The following LY6S variants were observed in gnomAD, a reference collection of about 807,000 sequenced individuals.
LY6S encodes the protein lymphocyte antigen 6S.
the LY6S span, among the ~76,000 whole-genome samples, chr8:143,065,670 C>G: frequency 6.6e-6 from 1 of 152,008 alleles, no homozygotes; most frequent in Non-Finnish European, 1.5e-5. Context: ...GTACTGGAGC[C>G]GGAAGACTTA....
chr8:143,054,175 G>A, the LY6S span: 1 of 151,962 alleles, frequency 6.6e-6, no homozygotes, highest in Non-Finnish European at 1.5e-5. Context: ...GCGTGGTGGT[G>A]GGTGCCTGTA....
At chr8:143,065,522 C>T in the LY6S span, among the ~76,000 whole-genome samples, 1 of 152,122 alleles carries the variant, frequency 6.6e-6, no homozygotes. Context: ...TTCTCAGACC[C>T]TCAAACAAAC....
At chr8:143,068,935 C>T in the LY6S span, among the ~76,000 whole-genome samples, 1 of 152,150 alleles carries the variant, frequency 6.6e-6, no homozygotes, top group Non-Finnish European at 1.5e-5. Context: ...ATGCTCCCCG[C>T]ACCGCCCCAG....
the LY6S span, among the ~76,000 whole-genome samples, chr8:143,044,005 G>A: frequency 6.6e-6 from 1 of 152,212 alleles, no homozygotes; most frequent in Non-Finnish European, 1.5e-5. Flanking sequence ...TCACCTCACT[G>A]AAGGGTGTGG....
At chr8:143,046,811 T>C in the LY6S span, among the ~76,000 whole-genome samples, 101,411 of 151,034 alleles carry the variant, frequency 0.67, 34,166 homozygotes, top group East Asian at 0.74. Context: ...ATCGGCCTGG[T>C]CAACATGACG....
the LY6S span, among the ~76,000 whole-genome samples, chr8:143,058,905 C>A: frequency 6.6e-6 from 1 of 152,246 alleles, no homozygotes; most frequent in African/African-American, 2.4e-5. Context: ...ACTATGTCCC[C>A]TCAGCTCCTA....
the LY6S span, among the ~76,000 whole-genome samples, chr8:143,060,180 G>A: frequency 0.52 from 78,332 of 151,916 alleles, 22,837 homozygotes; most frequent in Non-Finnish European, 0.64. Flanking sequence ...TTGGTCTAGC[G>A]GTAGTGCCAG....
At chr8:143,070,452 A>G in the LY6S span, among the ~76,000 whole-genome samples, 706 of 51,326 alleles carry the variant, frequency 0.014, 36 homozygotes, top group Non-Finnish European at 0.021. Context: ...TATTGTATAT[A>G]TATATATATA....
the LY6S span, among the ~76,000 whole-genome samples, chr8:143,052,086 C>T: frequency 3.1e-3 from 470 of 151,976 alleles, 5 homozygotes; most frequent in Admixed American, 5.2e-3. Flanking sequence ...TGGAGACCAT[C>T]CTGGCTAACA....
chr8:143,041,568 C>T, the LY6S span, among the ~76,000 whole-genome samples: 1 of 152,176 alleles, frequency 6.6e-6, no homozygotes, highest in East Asian at 1.9e-4. Context: ...ACATCCTCCT[C>T]AGCTTACGAA....
the LY6S span, among the ~76,000 whole-genome samples, chr8:143,055,343 G>C: frequency 6.6e-6 from 1 of 152,212 alleles, no homozygotes; most frequent in Non-Finnish European, 1.5e-5. Context: ...AATAGCCACA[G>C]TAATGACATT....
At chr8:143,041,362 T>C in the LY6S span, among the ~76,000 whole-genome samples, 4 of 152,258 alleles carry the variant, frequency 2.6e-5, no homozygotes, top group Admixed American at 2.6e-4. Context: ...TATTTGCTTT[T>C]GAAAGAAGAG....
the LY6S span, among the ~76,000 whole-genome samples, chr8:143,054,570 G>T: frequency 5.3e-5 from 8 of 152,256 alleles, no homozygotes; most frequent in African/African-American, 1.4e-4. Flanking sequence ...ACGGAGTTGT[G>T]GGGGGTTGTG....
the LY6S span, chr8:143,044,782 T>C: frequency 1.5e-6 from 2 of 1,367,182 alleles, no homozygotes; most frequent in African/African-American, 3.0e-5. Flanking sequence ...CAAGCATCTG[T>C]AGCAGCGCAG....
the LY6S span, chr8:143,044,210 C>G: frequency 2.2e-6 from 1 of 456,150 alleles, no homozygotes; most frequent in Admixed American, 2.4e-5. Context: ...ATGCTCACAG[C>G]CTGCGCCTCT....
At chr8:143,070,057 A>T in the LY6S span, among the ~76,000 whole-genome samples, 1 of 151,984 alleles carries the variant, frequency 6.6e-6, no homozygotes, top group Non-Finnish European at 1.5e-5. Context: ...GAGATCAGAG[A>T]TCAAGGTGTC....
the LY6S span, among the ~76,000 whole-genome samples, chr8:143,069,433 T>C: frequency 1.9e-4 from 29 of 152,344 alleles, 1 homozygote; most frequent in Admixed American, 1.3e-3. Context: ...TAGTATCTAA[T>C]TATGTGCCTT....
At chr8:143,048,821 T>C in the LY6S span, among the ~76,000 whole-genome samples, 2 of 152,186 alleles carry the variant, frequency 1.3e-5, no homozygotes, top group Non-Finnish European at 2.9e-5. Flanking sequence ...CCAGACCTTA[T>C]GCATTTTCCA....
At chr8:143,042,936 G>C in the LY6S span, 1 of 1,210,540 alleles carries the variant, frequency 8.3e-7, no homozygotes, top group Non-Finnish European at 1.1e-6. Context: ...AGGAGTTTAA[G>C]CAGGGATATG....
Sources: gnomAD v4.1 joint callset for allele counts (sites outside exome capture counted in the v4.1 genomes callset) on GRCh38, gnomAD v4.1.1 for gene constraint, MANE v1.5 for transcripts, NCBI Gene and HGNC (gene_info 2026-07-23, HGNC 2026-07-21) for gene names.